Variants in SNX8 observed in about 807,000 individuals in gnomAD.
The protein encoded by SNX8 is sorting nexin-8.
In SNX8, 25 loss-of-function variants were observed where a neutral mutation model predicts 51.6. The ratio of observed to expected loss-of-function variants is 0.48; its 90% CI spans 0.35 to 0.68. The LOEUF (loss-of-function observed/expected upper bound fraction) is 0.68. Ranked by LOEUF, SNX8 falls within the 30% of genes least tolerant of loss-of-function variation. The probability of loss-of-function intolerance (pLI) is 0.00; values close to 1 mark genes in which losing one functional copy is unlikely to be tolerated. For missense variants in SNX8, 695 were observed against 624.0 expected, an observed-to-expected ratio of 1.11 and a Z score of -1.21; for synonymous variants, 324 against 277.0, an observed-to-expected ratio of 1.17 and a Z score of -1.68.
At chr7:2,341,292 G>A (rs372205876) in intron 1 of SNX8, among the ~76,000 whole-genome samples, 12 of 151,606 alleles carry the variant, frequency 7.9e-5, no homozygotes, top group African/African-American at 2.7e-4. Flanking sequence ...TGAGGCCAGG[G>A]ATTTCAGACC....
upstream of SNX8, among the ~76,000 whole-genome samples, chr7:2,314,665 T>G (rs570093113): frequency 6.6e-6 from 1 of 152,206 alleles, no homozygotes; most frequent in East Asian, 1.9e-4. Context: ...GTGGCGCAGG[T>G]TACCTCCCCT....
At chr7:2,262,414 C>T (rs769379966) in intron 7 of SNX8, among the ~76,000 whole-genome samples, 2 of 152,192 alleles carry the variant, frequency 1.3e-5, no homozygotes, top group South Asian at 4.1e-4. Flanking sequence ...TATCTTCAAA[C>T]TGATCCCAAA....
intron 1 of SNX8, among the ~76,000 whole-genome samples, chr7:2,301,225 C>T (rs146023968): frequency 3.9e-5 from 6 of 152,292 alleles, no homozygotes; most frequent in African/African-American, 1.4e-4. Context: ...CGTGGCCAGA[C>T]GCAAATCCAA....
chr7:2,317,327 G>A (rs576387177), upstream of SNX8, among the ~76,000 whole-genome samples: 9 of 134,572 alleles, frequency 6.7e-5, no homozygotes, highest in East Asian at 4.3e-4. Flanking sequence ...TGCCTGGAGC[G>A]GAGGGCAGTG....
chr7:2,308,104 G>C (rs184485612), intron 1 of SNX8, among the ~76,000 whole-genome samples: 1 of 152,118 alleles, frequency 6.6e-6, no homozygotes, highest in East Asian at 1.9e-4. Flanking sequence ...CAAGTTTAAA[G>C]ACCAGTAACA....
intron 1 of SNX8, among the ~76,000 whole-genome samples, chr7:2,281,029 A>G (rs1042869312): frequency 6.0e-4 from 91 of 152,180 alleles, no homozygotes; most frequent in African/African-American, 2.1e-3. Flanking sequence ...CTGACCTCAA[A>G]TGATCCACCC....
At chr7:2,297,503 T>C (rs1030051412) in intron 1 of SNX8, among the ~76,000 whole-genome samples, 5 of 133,782 alleles carry the variant, frequency 3.7e-5, no homozygotes, top group Admixed American at 3.7e-4. Context: ...TGAGCCGAGA[T>C]TGTGCCACTG....
chr7:2,256,099 G>A (rs1795171572), intron 10 of SNX8, among the ~76,000 whole-genome samples: 1 of 152,220 alleles, frequency 6.6e-6, no homozygotes, highest in Non-Finnish European at 1.5e-5. Flanking sequence ...CCACTCACAT[G>A]TCCAAGTCCA....
chr7:2,303,025 G>A (rs1301630192), intron 1 of SNX8, among the ~76,000 whole-genome samples: 1 of 148,910 alleles, frequency 6.7e-6, no homozygotes, highest in Non-Finnish European at 1.5e-5. Flanking sequence ...GTCAGCCCCC[G>A]CCAGGCCAGC....
At chr7:2,349,213 A>T (rs1217155134) in intron 1 of SNX8, among the ~76,000 whole-genome samples, 4 of 151,556 alleles carry the variant, frequency 2.6e-5, no homozygotes, top group African/African-American at 9.7e-5. Context: ...CAAAAACAAA[A>T]AAAAAAAAAG....
intron 1 of SNX8, among the ~76,000 whole-genome samples, chr7:2,299,076 G>T (rs1162467698): frequency 6.6e-6 from 1 of 152,006 alleles, no homozygotes; most frequent in Non-Finnish European, 1.5e-5. Context: ...GCTGACCAGG[G>T]TCAGGGCTCC....
At chr7:2,328,670 C>T (rs1238937940) in intron 1 of SNX8, among the ~76,000 whole-genome samples, 2 of 151,132 alleles carry the variant, frequency 1.3e-5, no homozygotes, top group Admixed American at 6.6e-5. Context: ...AAAAATTGCA[C>T]GCTGGGCACG....
Position 2,271,895 on chromosome 7 carries a change from G to C in SNX8, c.495C>G (p.Phe165Leu). ...FVNLVARHPL[F>L]SEDVVLKLFL... The stretch of plus-strand genomic sequence containing the variant: ...AGAGCTTGAGGACCACATCCTCGGA[G>C]AACAGGGGGTGTCGCGCCACCAGGT... Residue 165 changes from phenylalanine (F) to leucine (L), a missense_variant, in exon 4 of 11, where the codon TTC becomes TTG. Phe to Leu is a conservative substitution (Grantham distance 22, BLOSUM62 0). Transcript: ENST00000222990. 1.2e-6 allele frequency: 2 copies of C among 1,613,764 alleles called. No individual in the cohort carries two copies. Among genetic ancestry groups the C allele is most frequent in the Non-Finnish European group, 1.7e-6 (2 of 1,179,888 alleles).
At chr7:2,288,904 T>A (rs1313508750) in intron 1 of SNX8, among the ~76,000 whole-genome samples, 1 of 151,986 alleles carries the variant, frequency 6.6e-6, no homozygotes, top group African/African-American at 2.4e-5. Context: ...CCCAGCTAAT[T>A]TTCGTTATTT....
chr7:2,266,962 C>G (rs6970973), intron 5 of SNX8, among the ~76,000 whole-genome samples: 139,337 of 152,354 alleles, frequency 0.91, 63,998 homozygotes, highest in Non-Finnish European at 0.96. Flanking sequence ...TGAAAAGGTG[C>G]TGACACAAGC....
At position 2,332,002 on chromosome 7, in the gene SNX8, C is replaced by T. The variant is rs893109565; in HGVS notation, c.-66+22220G>A. On this transcript the variant is annotated intron_variant, in intron 1 of 5. Transcript: ENST00000435336. ...GGAGGATGGCTTGAGGCCAGGAGTT[C>T]GAGACCAGTGTAGGCAACATAGCAA... Among the ~76,000 whole-genome samples, 7 of 151,958 alleles carry T rather than the reference C, an allele frequency of 4.6e-5. No individual in the cohort carries two copies. The East Asian group carries it at 7.7e-4, about 17-fold the overall frequency.
At chr7:2,317,251 C>CTT (rs780593342), upstream of SNX8, among the ~76,000 whole-genome samples, 37 of 43,114 alleles carry the variant, frequency 8.6e-4, 6 homozygotes, top group South Asian at 1.9e-3. Flanking sequence ...CCTGGACCTT[C>CTT]TTTTTTTTTT....
At chr7:2,338,573 G>T (rs937817452) in intron 1 of SNX8, among the ~76,000 whole-genome samples, 1 of 152,118 alleles carries the variant, frequency 6.6e-6, no homozygotes, top group Admixed American at 6.6e-5. Context: ...GGCTGAGGTC[G>T]CAGTGACCCG....
chr7:2,314,513 G>T (rs1326058758), upstream of SNX8: 1 of 1,117,722 alleles, frequency 8.9e-7, no homozygotes, highest in Admixed American at 4.8e-5. Flanking sequence ...ACCCCGCCTG[G>T]TCACGCCCCC....
Sources: allele counts gnomAD v4.1 joint callset (sites outside exome capture counted in the v4.1 genomes callset), GRCh38; gene constraint gnomAD v4.1.1; transcripts MANE v1.5; gene names NCBI Gene and HGNC (gene_info 2026-07-23, HGNC 2026-07-21).